The following ADAMTS20 variants were observed in gnomAD, a reference collection of about 807,000 sequenced individuals.
ADAMTS20 encodes ADAM metallopeptidase with thrombospondin type 1 motif 20.
A neutral mutation model predicts 260.1 loss-of-function variants in ADAMTS20; 225 were observed. The observed-to-expected ratio is 0.87, with a 90% CI of 0.78 to 0.97. The LOEUF (loss-of-function observed/expected upper bound fraction) is 0.97. Ranked by LOEUF, ADAMTS20 falls within the 50% of genes least tolerant of loss-of-function variation. ADAMTS20 has a pLI of 0.00. For missense variants in ADAMTS20, 2,400 were observed against 2,337.7 expected, an observed-to-expected ratio of 1.03 and a Z score of -0.55; for synonymous variants, 802 against 769.5, an observed-to-expected ratio of 1.04 and a Z score of -0.70.
chr12:43,539,605 A>G (rs1269200244), intron 2 of ADAMTS20, among the ~76,000 whole-genome samples: 1 of 152,178 alleles, frequency 6.6e-6, no homozygotes, highest in Non-Finnish European at 1.5e-5. Context: ...ACAAACACCA[A>G]TACTCTAGCA....
chr12:43,375,978 T>C (rs753655920), intron 35 of ADAMTS20, 79 bp downstream of exon 35: 53 of 1,045,466 alleles, frequency 5.1e-5, no homozygotes, highest in Middle Eastern at 4.2e-4. Context: ...GCTATTCAAG[T>C]ATCACTCTGA....
intron 4 of ADAMTS20, among the ~76,000 whole-genome samples, chr12:43,500,646 T>C (rs938280767): frequency 2.0e-5 from 3 of 152,184 alleles, no homozygotes; most frequent in African/African-American, 7.2e-5. Flanking sequence ...TTTTACACAA[T>C]TTCAAAAAAT....
At chr12:43,419,628 T>C (rs1405551586) in intron 28 of ADAMTS20, among the ~76,000 whole-genome samples, 1 of 152,052 alleles carries the variant, frequency 6.6e-6, no homozygotes, top group Non-Finnish European at 1.5e-5. Context: ...TTCTTTAACA[T>C]GGAAACATAT....
chr12:43,414,550 C>T (rs957758922), intron 28 of ADAMTS20, among the ~76,000 whole-genome samples: 4 of 151,990 alleles, frequency 2.6e-5, no homozygotes, highest in African/African-American at 4.8e-5. Flanking sequence ...AAAAGACTTC[C>T]ATAGGTGCTT....
At chr12:43,442,019 G>A (rs1391207488) in intron 16 of ADAMTS20, among the ~76,000 whole-genome samples, 4 of 152,028 alleles carry the variant, frequency 2.6e-5, no homozygotes, top group South Asian at 2.1e-4. Context: ...AATGTGGCTA[G>A]GTCTATTTAA....
chr12:43,423,895 T>C (rs554968792), intron 28 of ADAMTS20: 3 of 726,874 alleles, frequency 4.1e-6, no homozygotes, highest in Admixed American at 3.7e-5. Context: ...TGATGGTCCT[T>C]TGAGGCAGCA....
At chr12:43,434,476 G>T in intron 18 of ADAMTS20, 105 bp from the exon 19 acceptor site, 1 of 1,227,228 alleles carries the variant, frequency 8.1e-7, no homozygotes, top group Non-Finnish European at 1.1e-6. Flanking sequence ...AGCTAAGCAA[G>T]TAAAAATTTC....
intron 28 of ADAMTS20, among the ~76,000 whole-genome samples, chr12:43,410,744 G>A (rs1941015340): frequency 6.6e-6 from 1 of 152,216 alleles, no homozygotes; most frequent in African/African-American, 2.4e-5. Context: ...AGAAGGCAGA[G>A]AGAAACAACT....
At chr12:43,475,091 C>A (rs1222923748) in intron 7 of ADAMTS20, among the ~76,000 whole-genome samples, 1 of 130,844 alleles carries the variant, frequency 7.6e-6, no homozygotes, top group Non-Finnish European at 1.6e-5. Flanking sequence ...CTAGAAAACC[C>A]CATCGTCTCA....
chr12:43,513,486 C>T (rs191637016), intron 3 of ADAMTS20, among the ~76,000 whole-genome samples: 5 of 152,196 alleles, frequency 3.3e-5, no homozygotes. Context: ...ATCTTAACGT[C>T]TACACTTGAA....
chr12:43,512,253 TGAG>T (rs1270312769), intron 3 of ADAMTS20, among the ~76,000 whole-genome samples: 7 of 149,040 alleles, frequency 4.7e-5, no homozygotes, highest in Non-Finnish European at 8.9e-5. Flanking sequence ...ATAAGGAAAG[TGAG>T]GAACAAGAAG....
intron 7 of ADAMTS20, among the ~76,000 whole-genome samples, chr12:43,470,365 G>T (rs1014501129): frequency 6.6e-6 from 1 of 152,042 alleles, no homozygotes; most frequent in East Asian, 1.9e-4. Flanking sequence ...ATGCTTAAAG[G>T]TATATACATT....
chr12:43,391,547 T>C (rs1940596938), intron 29 of ADAMTS20, among the ~76,000 whole-genome samples: 1 of 152,180 alleles, frequency 6.6e-6, no homozygotes, highest in South Asian at 2.1e-4. Flanking sequence ...TAAAAAAGTG[T>C]AGAGTATGTC....
At position 43,425,884 on chromosome 12, in the gene ADAMTS20, C is replaced by T. The variant is rs189267932; in HGVS notation, c.4108-194G>A. ...TACTTCATAATTATCAACATTTCCC[C>T]CTAGACAAAAAAATAAATCAAAGTT... On this transcript the variant is annotated intron_variant, in intron 27 of 38. Transcript: ENST00000389420. Among the ~76,000 whole-genome samples, 9 of 151,652 alleles carry T rather than the reference C, an allele frequency of 5.9e-5. No individual in the cohort carries two copies. The East Asian group carries it at 1.8e-3, about 30-fold the overall frequency.
intron 7 of ADAMTS20, among the ~76,000 whole-genome samples, chr12:43,470,994 G>A (rs950142061): frequency 2.0e-5 from 3 of 152,156 alleles, no homozygotes; most frequent in East Asian, 1.9e-4. Flanking sequence ...CAAGATGGCC[G>A]AATAGGAACA....
chr12:43,468,911 A>T (rs1190807577), intron 7 of ADAMTS20, among the ~76,000 whole-genome samples: 2 of 152,296 alleles, frequency 1.3e-5, no homozygotes, highest in East Asian at 3.9e-4. Flanking sequence ...AAATTTTGGG[A>T]ATCTACTGAA....
Position 43,462,913 on chromosome 12 carries a change from T to C in ADAMTS20, c.1596A>G (p.Thr532=), listed in dbSNP as rs771467375. Residue 532 remains threonine (T), a synonymous_variant, in exon 11 of 39, where the codon ACA becomes ACG. Transcript: ENST00000389420. ...AACCTACCATTCCAGGACCGCAGTC[T>C]GTTCCATCTGCTGGTGGCACGTGTT... ...FTQHVPPADG[T]DCGPGMHCRH... 14 of 1,607,012 alleles carry C rather than the reference T, an allele frequency of 8.7e-6. No individual in the cohort carries two copies. Among genetic ancestry groups the C allele is most frequent in the Non-Finnish European group, 1.2e-5 (14 of 1,176,342 alleles).
intron 28 of ADAMTS20, among the ~76,000 whole-genome samples, chr12:43,403,900 A>T (rs1940861753): frequency 1.3e-5 from 2 of 152,054 alleles, no homozygotes; most frequent in South Asian, 4.2e-4. Flanking sequence ...AAGTCATCAT[A>T]TCATTGCACA....
intron 4 of ADAMTS20, among the ~76,000 whole-genome samples, chr12:43,499,951 T>C (rs1199317912): frequency 4.6e-5 from 7 of 152,194 alleles, no homozygotes; most frequent in Admixed American, 2.0e-4. Flanking sequence ...ACAATAGTTA[T>C]CTGTCATTTA....
Sources: gnomAD v4.1 joint callset for allele counts (sites outside exome capture counted in the v4.1 genomes callset) on GRCh38, gnomAD v4.1.1 for gene constraint, MANE v1.5 for transcripts, NCBI Gene and HGNC (gene_info 2026-07-23, HGNC 2026-07-21) for gene names.